ACBD6: variants seen among roughly 807,000 people sequenced by gnomAD.
ACBD6 encodes the protein acyl-CoA-binding domain-containing protein 6.
Under a neutral mutation model 37.2 loss-of-function variants are expected in ACBD6, and 28 were observed. That is an observed-to-expected ratio of 0.75 (90% confidence interval 0.56 to 1.03). ACBD6 has a LOEUF of 1.03. Among genes scored for constraint, ACBD6 ranks in the 50% least tolerant of loss-of-function variants. The pLI, the probability that ACBD6 is intolerant of heterozygous loss-of-function variation, is 0.00. For synonymous variants in ACBD6, 113 were observed against 126.8 expected, an observed-to-expected ratio of 0.89 and a Z score of 0.73; for missense variants, 340 against 337.4, an observed-to-expected ratio of 1.01 and a Z score of -0.06.
intron 6 of ACBD6, among the ~76,000 whole-genome samples, chr1:180,381,455 C>T (rs762856399): frequency 2.0e-5 from 3 of 152,164 alleles, no homozygotes; most frequent in Non-Finnish European, 4.4e-5. Flanking sequence ...CAGGACAGAC[C>T]ATACATTAGG....
intron 7 of ACBD6, among the ~76,000 whole-genome samples, chr1:180,295,646 C>T (rs2794969): frequency 0.045 from 6,873 of 152,050 alleles, 225 homozygotes; most frequent in Non-Finnish European, 0.059. Flanking sequence ...ATATTTCAAA[C>T]TTTTCATTAT....
chr1:180,502,504 C>A lies in ACBD6; in HGVS notation c.-238G>T, dbSNP rs1312544491. ...TCTGCCCAGTCGACCCGGTCTCCTC[C>A]GGCTTCCCTCCGGCCAACAGCGCGC... On this transcript the variant is annotated 5_prime_UTR_variant, in exon 1 of 8. Transcript: ENST00000367595. 7.1e-6 allele frequency: 4 copies of A among 560,544 alleles called. No homozygotes were observed. The highest frequency in any genetic ancestry group is 1.3e-5 in the Non-Finnish European group (4 of 311,252). 34.7% of individuals were successfully genotyped at this position (560,544 alleles called of 1,614,324 possible).
chr1:180,362,294 A>T (rs1368316577), intron 6 of ACBD6, among the ~76,000 whole-genome samples: 1 of 152,188 alleles, frequency 6.6e-6, no homozygotes, highest in Non-Finnish European at 1.5e-5. Flanking sequence ...GCCAGATGGT[A>T]TGAGATTCAA....
intron 6 of ACBD6, among the ~76,000 whole-genome samples, chr1:180,396,658 A>C (rs955071674): frequency 6.6e-6 from 1 of 152,242 alleles, no homozygotes; most frequent in African/African-American, 2.4e-5. Flanking sequence ...TCCAGAAAAG[A>C]TATGCAAATA....
chr1:180,394,248 T>C (rs940296413), intron 6 of ACBD6, among the ~76,000 whole-genome samples: 3 of 151,610 alleles, frequency 2.0e-5, no homozygotes, highest in African/African-American at 4.8e-5. Context: ...CACCCACCAC[T>C]ACATCTAATT....
chr1:180,451,202 A>G (rs1447224328), intron 3 of ACBD6, among the ~76,000 whole-genome samples: 1 of 152,236 alleles, frequency 6.6e-6, no homozygotes, highest in African/African-American at 2.4e-5. Context: ...TCACAACAAG[A>G]TACCATTTCA....
chr1:180,413,478 T>TA lies in ACBD6; in HGVS notation c.468-8dup, dbSNP rs772708341. On this transcript the variant is annotated splice_region_variant and splice_polypyrimidine_tract_variant and intron_variant, in intron 4 of 7. Transcript: ENST00000367595. ...TATATTTTTGTCTTCTTCCCTAGAA[T>TA]AAAAAAAAGAAAGGTCTTTTTTTAC... 14 of 1,591,796 alleles carry TA rather than the reference T, an allele frequency of 8.8e-6. No individual in the cohort carries two copies. Among genetic ancestry groups the TA allele is most frequent in the East Asian group, 2.2e-5 (1 of 44,694 alleles).
At chr1:180,353,874 T>C (rs1284346306) in intron 6 of ACBD6, among the ~76,000 whole-genome samples, 1 of 151,358 alleles carries the variant, frequency 6.6e-6, no homozygotes, top group Non-Finnish European at 1.5e-5. Context: ...AACATTTTAA[T>C]ATAGATAATT....
intron 6 of ACBD6, among the ~76,000 whole-genome samples, chr1:180,375,409 TC>T (rs1653396515): frequency 6.6e-6 from 1 of 152,170 alleles, no homozygotes; most frequent in South Asian, 2.1e-4. Context: ...AACTGCAGTC[TC>T]GATCTCCTGG....
At chr1:180,440,651 C>A (rs552763855) in intron 3 of ACBD6, among the ~76,000 whole-genome samples, 1 of 151,610 alleles carries the variant, frequency 6.6e-6, no homozygotes, top group South Asian at 2.1e-4. Context: ...GCAGTCACTC[C>A]CCATTCCCCT....
At chr1:180,348,667 T>C (rs1164511865) in intron 6 of ACBD6, among the ~76,000 whole-genome samples, 3 of 152,246 alleles carry the variant, frequency 2.0e-5, no homozygotes, top group Non-Finnish European at 4.4e-5. Context: ...TAGCTTTAGA[T>C]AGAATGGAGA....
intron 6 of ACBD6, among the ~76,000 whole-genome samples, chr1:180,389,722 T>G: frequency 6.6e-6 from 1 of 152,216 alleles, no homozygotes; most frequent in East Asian, 1.9e-4. Context: ...TATCTCATTG[T>G]GGTTTTGATT....
At chr1:180,494,737 C>T (rs1192358581) in intron 2 of ACBD6, among the ~76,000 whole-genome samples, 2 of 152,132 alleles carry the variant, frequency 1.3e-5, no homozygotes, top group Middle Eastern at 3.2e-3. Flanking sequence ...AATTCCAGGG[C>T]TGATGCTCCA....
At chr1:180,345,573 C>A (rs1419825252) in intron 6 of ACBD6, among the ~76,000 whole-genome samples, 1 of 152,078 alleles carries the variant, frequency 6.6e-6, no homozygotes, top group Non-Finnish European at 1.5e-5. Context: ...CCAGTATTAT[C>A]CAGAATAGCA....
chr1:180,318,174 C>CCG (rs1650903906), intron 6 of ACBD6, among the ~76,000 whole-genome samples: 1 of 96,112 alleles, frequency 1.0e-5, no homozygotes, highest in African/African-American at 6.1e-5. Context: ...CCCCCCCCCC[C>CCG]CAAAAAAAAA....
At position 180,424,873 on chromosome 1, in the gene ACBD6, A is replaced by T. The variant is rs562772103; in HGVS notation, c.467+5307T>A. Reference sequence around the variant, plus strand: ...GTACATGCTTGGTTGGCATCATGACACTGAGCACACAGGAGGTAAATGAAG... The same window carrying T: ...GTACATGCTTGGTTGGCATCATGACTCTGAGCACACAGGAGGTAAATGAAG... On this transcript the variant is annotated intron_variant, in intron 4 of 7. Transcript: ENST00000367595. 4.6e-5 allele frequency among the ~76,000 whole-genome samples: 7 copies of T among 152,278 alleles called. No homozygotes were observed. In the East Asian group the frequency reaches 1.3e-3, roughly 29 times the overall value.
intron 8 of ACBD6, among the ~76,000 whole-genome samples, chr1:180,281,823 TATC>T (rs1297132052): frequency 6.6e-6 from 1 of 152,218 alleles, no homozygotes; most frequent in East Asian, 1.9e-4. Context: ...GAAATTTTAT[TATC>T]ATCCTTCTAA....
chr1:180,489,207 G>T (rs1282544525), intron 3 of ACBD6, among the ~76,000 whole-genome samples: 1 of 151,764 alleles, frequency 6.6e-6, no homozygotes, highest in Non-Finnish European at 1.5e-5. Context: ...AATGAGTGTT[G>T]TTCTTATTTT....
At chr1:180,460,434 C>T (rs1350861293) in intron 3 of ACBD6, among the ~76,000 whole-genome samples, 1 of 152,196 alleles carries the variant, frequency 6.6e-6, no homozygotes, top group Non-Finnish European at 1.5e-5. Flanking sequence ...GGCTAGACTG[C>T]TTCTTTAAGC....
Sources: allele counts gnomAD v4.1 joint callset (sites outside exome capture counted in the v4.1 genomes callset), GRCh38; gene constraint gnomAD v4.1.1; transcripts MANE v1.5; gene names NCBI Gene and HGNC (gene_info 2026-07-23, HGNC 2026-07-21).